The following PPP2R5A variants were observed in gnomAD, a reference collection of about 807,000 sequenced individuals.
The protein encoded by PPP2R5A is serine/threonine-protein phosphatase 2A 56 kDa regulatory subunit alpha isoform.
In PPP2R5A, 25 loss-of-function variants were observed where a neutral mutation model predicts 64.2. That is an observed-to-expected ratio of 0.39 (90% CI 0.28 to 0.54). The LOEUF is 0.54. Ranked by LOEUF, PPP2R5A falls within the 20% of genes least tolerant of loss-of-function variation. PPP2R5A has a pLI of 0.67. For missense variants in PPP2R5A, 425 were observed against 576.3 expected, an observed-to-expected ratio of 0.74 and a Z score of 2.69; for synonymous variants, 198 against 201.2, an observed-to-expected ratio of 0.98 and a Z score of 0.13.
chr1:212,298,827 C>T (rs1259266550), intron 1 of PPP2R5A, among the ~76,000 whole-genome samples: 2 of 37,066 alleles, frequency 5.4e-5, no homozygotes, highest in Non-Finnish European at 1.0e-4. Flanking sequence ...TAGGGGCGGC[C>T]GGGCAGAGGC....
At chr1:212,305,866 A>G (rs351383) in intron 1 of PPP2R5A, among the ~76,000 whole-genome samples, 126,940 of 152,076 alleles carry the variant, frequency 0.83, 53,452 homozygotes, top group African/African-American at 0.95. Flanking sequence ...TAAGATATAA[A>G]GATGAAAAAT....
At chr1:212,293,447 T>G (rs1388239948) in intron 1 of PPP2R5A, among the ~76,000 whole-genome samples, 1 of 152,244 alleles carries the variant, frequency 6.6e-6, no homozygotes, top group Admixed American at 6.5e-5. Context: ...TTTAGTGTAT[T>G]ATTATGTAAC....
At chr1:212,342,446 C>T (rs936525213) in intron 4 of PPP2R5A, among the ~76,000 whole-genome samples, 166 bp downstream of exon 4, 13 of 152,122 alleles carry the variant, frequency 8.5e-5, no homozygotes, top group African/African-American at 2.9e-4. Context: ...TCTGAGAGTA[C>T]AAGAGTATTT....
chr1:212,286,258 C>G lies in PPP2R5A; in HGVS notation c.148C>G (p.Gln50Glu), dbSNP rs1439049401. The part of the protein sequence containing the change: ...GSSQFRSQGS[Q>E]AELHPLPQLK... ...GTCGCAGTTTCGCAGCCAGGGCAGC[C>G]AGGCAGAGCTGCACCCGCTGCCCCA... is the stretch of plus-strand genomic sequence containing the variant. The change falls in exon 1 of 13, where the codon CAG (glutamine) becomes GAG (glutamate). Residue 50 changes from glutamine to glutamate, a missense_variant. Transcript: ENST00000261461. 2 of 1,542,746 alleles carry G rather than the reference C, an allele frequency of 1.3e-6. No homozygotes were observed. Among genetic ancestry groups the G allele is most frequent in the Admixed American group, 1.9e-5 (1 of 51,612 alleles).
intron 1 of PPP2R5A, among the ~76,000 whole-genome samples, chr1:212,287,939 A>C (rs1182706659): frequency 6.6e-6 from 1 of 152,204 alleles, no homozygotes; most frequent in Non-Finnish European, 1.5e-5. Context: ...TCTTAATAGT[A>C]TACTTTAATA....
At chr1:212,310,856 TA>T (rs1007794071) in intron 1 of PPP2R5A, among the ~76,000 whole-genome samples, 19 of 152,300 alleles carry the variant, frequency 1.2e-4, no homozygotes, top group African/African-American at 4.1e-4. Flanking sequence ...GAAATGCTGA[TA>T]GGTCCTACTC....
intron 1 of PPP2R5A, among the ~76,000 whole-genome samples, chr1:212,304,926 TTTC>T (rs1404851350): frequency 1.3e-5 from 2 of 150,698 alleles, no homozygotes; most frequent in Admixed American, 1.3e-4. Flanking sequence ...AGAGATGGGG[TTTC>T]ACCATGTTGG....
chr1:212,319,613 C>CTTTTTTTTTTTTT (rs200765692), intron 1 of PPP2R5A: 2 of 110,718 alleles, frequency 1.8e-5, no homozygotes, highest in African/African-American at 7.4e-5. Context: ...TTTTTGTTTT[C>CTTTTTTTTTTTTT]TTTTCTTTTT....
chr1:212,333,499 C>G lies in PPP2R5A; in HGVS notation c.381C>G (p.Ile127Met). Residue 127 changes from isoleucine (I) to methionine (M), a missense_variant and splice_region_variant, in exon 3 of 13, where the codon ATC (isoleucine) becomes ATG (methionine). By Grantham distance (10) the Ile-to-Met change is conservative (BLOSUM62 1). Transcript: ENST00000261461. The part of the protein sequence containing the change: ...ESAYSDIVKM[I>M]SANIFRTLPP... ...GTAAAATTATTTTTTCTTTACAGAT[C>G]AGTGCTAACATCTTCCGTACACTTC... is the stretch of plus-strand genomic sequence containing the variant. 1 of 1,531,386 alleles carries G rather than the reference C, an allele frequency of 6.5e-7. No homozygotes were observed. The highest frequency in any genetic ancestry group is 8.8e-7 in the Non-Finnish European group (1 of 1,131,582). 94.9% of individuals were successfully genotyped at this position (1,531,386 alleles called of 1,614,324 possible). A position where few individuals can be genotyped will look rare whatever the true frequency, so the allele number is the denominator to read the frequency against.
At chr1:212,327,354 A>G (rs1371420250) in intron 1 of PPP2R5A, among the ~76,000 whole-genome samples, 7 of 152,224 alleles carry the variant, frequency 4.6e-5, no homozygotes, top group East Asian at 1.9e-4. Flanking sequence ...AGGATTTAAC[A>G]TTTGTTAGAA....
At chr1:212,291,430 C>G (rs1370745724) in intron 1 of PPP2R5A, among the ~76,000 whole-genome samples, 2 of 152,284 alleles carry the variant, frequency 1.3e-5, no homozygotes, top group South Asian at 4.1e-4. Flanking sequence ...AAAATCAATA[C>G]CTGGGCACAT....
intron 1 of PPP2R5A, chr1:212,309,529 GC>G: frequency 1.3e-6 from 1 of 746,690 alleles, no homozygotes; most frequent in Non-Finnish European, 2.4e-6. Flanking sequence ...CTTGTGAAAA[GC>G]CCTTCTTTAC....
rs1443776407 is a variant in PPP2R5A, at chr1:212,333,601, A to G, written c.480+3A>G. On this transcript the variant is annotated splice_donor_region_variant and intron_variant, in intron 3 of 12. Transcript: ENST00000261461. ...AGGCCTCTTGGCCTCACATACAGGT[A>G]TGGAACATAATTACGTATTGGCAGT... The G allele has an allele frequency of 3.4e-6, 5 of 1,461,300 alleles. No individual in the cohort carries two copies. Among genetic ancestry groups the G allele is most frequent in the Non-Finnish European group, 4.6e-6 (5 of 1,076,602 alleles). 90.5% of individuals were successfully genotyped at this position (1,461,300 alleles called of 1,614,324 possible).
At chr1:212,312,317 A>G (rs151027341) in intron 1 of PPP2R5A, among the ~76,000 whole-genome samples, 14 of 152,302 alleles carry the variant, frequency 9.2e-5, no homozygotes, top group African/African-American at 3.1e-4. Context: ...CATTCTCAGA[A>G]TGTATTTCTG....
chr1:212,327,095 G>A (rs895018574), intron 1 of PPP2R5A, among the ~76,000 whole-genome samples: 41 of 152,118 alleles, frequency 2.7e-4, no homozygotes, highest in African/African-American at 9.9e-4. Context: ...TAATTACGAA[G>A]CATAGGCATT....
chr1:212,323,032 C>T (rs1203662051), intron 1 of PPP2R5A, among the ~76,000 whole-genome samples: 3 of 152,118 alleles, frequency 2.0e-5, no homozygotes, highest in African/African-American at 4.8e-5. Context: ...GTGATCTGCC[C>T]GCCTCAGCCT....
At chr1:212,286,357 C>T (rs1658498990) in intron 1 of PPP2R5A, 66 bp downstream of exon 1, 1 of 1,384,322 alleles carries the variant, frequency 7.2e-7, no homozygotes, top group South Asian at 1.6e-5. Context: ...TCTGCGCCAG[C>T]AGAGCCATTT....
chr1:212,320,057 A>G (rs1363560225), intron 1 of PPP2R5A, among the ~76,000 whole-genome samples: 1 of 150,932 alleles, frequency 6.6e-6, no homozygotes, highest in Non-Finnish European at 1.5e-5. Flanking sequence ...TAAGTGAACA[A>G]AGGTCTCTGG....
At chr1:212,347,166 A>T (rs1659796249) in intron 5 of PPP2R5A, among the ~76,000 whole-genome samples, 181 bp from the exon 6 acceptor site, 1 of 152,212 alleles carries the variant, frequency 6.6e-6, no homozygotes, top group Non-Finnish European at 1.5e-5. Flanking sequence ...AGTAGGAAAC[A>T]TCTTCTTTTT....
Sources: gnomAD v4.1 joint callset for allele counts (sites outside exome capture counted in the v4.1 genomes callset) on GRCh38, gnomAD v4.1.1 for gene constraint, MANE v1.5 for transcripts, NCBI Gene and HGNC (gene_info 2026-07-23, HGNC 2026-07-21) for gene names.